SBDS: variants seen among roughly 807,000 people sequenced by gnomAD.
The protein encoded by SBDS is ribosome maturation protein SBDS.
Under a neutral mutation model 26.4 loss-of-function variants are expected in SBDS, and 20 were observed. The observed-to-expected ratio is 0.76, with a 90% CI of 0.53 to 1.10. SBDS has a LOEUF of 1.10. Among genes scored for constraint, SBDS ranks in the 50% least tolerant of loss-of-function variants. SBDS has a pLI of 0.00. For missense variants in SBDS, 241 were observed against 302.0 expected (o/e 0.80, Z 1.50); for synonymous variants, 95 against 105.1 (o/e 0.90, Z 0.59).
At position 66,993,409 on chromosome 7, in the gene SBDS, A is replaced by G. The variant is rs774761244; in HGVS notation, c.267T>C (p.Thr89=). ...TATCTGATACTTGAACTTCTCCTTT[A>G]GTCAAAATCTAAAAAAATGCCAACA... ...DQTEICKQIL[T]KGEVQVSDKE... is the part of the protein sequence containing the mutation. Residue 89 remains threonine (T), a synonymous_variant, in exon 3 of 5, where the codon ACT becomes ACC. Transcript: ENST00000246868. The G allele has an allele frequency of 1.2e-6, 2 of 1,613,620 alleles. No homozygotes were observed. The highest frequency in any genetic ancestry group is 1.7e-6 in the Non-Finnish European group (2 of 1,179,700).
chr7:66,991,886 G>A (rs1391123791), intron 3 of SBDS, among the ~76,000 whole-genome samples: 2 of 152,150 alleles, frequency 1.3e-5, no homozygotes, highest in Admixed American at 6.6e-5. Context: ...CCACCAGGAT[G>A]GCCATCATCA....
chr7:66,993,272 C>G lies in SBDS; in HGVS notation c.404G>C (p.Arg135Thr). ...CGAATAGTGGATGTCCTTCATGGCT[C>G]TCTCAATAAGGATCACGGTGTATGG... ...KRPYTVILIE[R>T]AMKDIHYSVK... Residue 135 changes from arginine to threonine, a missense_variant, in exon 3 of 5, where the codon AGA (arginine) becomes ACA (threonine). Coordinates refer to ENST00000246868, the MANE Select transcript of SBDS (RefSeq NM_016038.4). The G allele has an allele frequency of 1.2e-6, 2 of 1,614,148 alleles. No homozygotes were observed. Among genetic ancestry groups the G allele is most frequent in the Non-Finnish European group, 1.7e-6 (2 of 1,180,032 alleles).
intron 4 of SBDS, among the ~76,000 whole-genome samples, chr7:66,990,007 T>C (rs1301709671): frequency 6.6e-6 from 1 of 151,036 alleles, no homozygotes; most frequent in Non-Finnish European, 1.5e-5. Flanking sequence ...AATTTCATCA[T>C]TCAGAATTCA....
rs1308826515 is a variant in SBDS at position 66,993,314 on chromosome 7, T to C, written c.362A>G (p.Asn121Ser). The C allele has an allele frequency of 8.1e-6, 13 of 1,614,066 alleles. No individual in the cohort carries two copies. The highest frequency in any genetic ancestry group is 1.1e-5 in the Non-Finnish European group (13 of 1,180,004). ...GGTGTATGGTCTCTTTGTTTCAGGA[T>C]TCACACATTTGTCTGCCACAATAGT... The part of the protein sequence containing the change: ...IATIVADKCV[N>S]PETKRPYTVI... Residue 121 changes from asparagine (N) to serine (S), a missense_variant, in exon 3 of 5, where the codon AAT becomes AGT. Transcript: ENST00000246868.
At chr7:66,988,901 T>G (rs1296687786) in intron 4 of SBDS, among the ~76,000 whole-genome samples, 1 of 152,046 alleles carries the variant, frequency 6.6e-6, no homozygotes, top group Non-Finnish European at 1.5e-5. Flanking sequence ...GTATGTTAAT[T>G]TATTTTTTTT....
At chr7:66,992,012 G>C (rs1368289112) in intron 3 of SBDS, among the ~76,000 whole-genome samples, 1 of 152,120 alleles carries the variant, frequency 6.6e-6, no homozygotes, top group Admixed American at 6.6e-5. Context: ...GTAGTCACCA[G>C]GTATACAGAA....
chr7:66,994,695 T>C (rs1793058695), intron 1 of SBDS, among the ~76,000 whole-genome samples: 1 of 152,228 alleles, frequency 6.6e-6, no homozygotes. Flanking sequence ...GGTTTCATGT[T>C]GGCCAGGCTG....
intron 3 of SBDS, among the ~76,000 whole-genome samples, chr7:66,992,053 A>G (rs1396886901): frequency 6.6e-6 from 1 of 152,232 alleles, no homozygotes; most frequent in Non-Finnish European, 1.5e-5. Context: ...AGAAACATAC[A>G]AGAAATTTTA....
At position 66,993,200 on chromosome 7, in the gene SBDS, C is replaced by T. The variant is rs1562954934; in HGVS notation, c.459+17G>A. ...GATTTCCATGGCTATATTTTGATGA[C>T]ATGAGAAACCACTCACCTGCTGTTT... On this transcript the variant is annotated intron_variant, in intron 3 of 4. Transcript: ENST00000246868. 1 of 1,606,750 alleles carries T rather than the reference C, an allele frequency of 6.2e-7. No homozygotes were observed. Among genetic ancestry groups the T allele is most frequent in the Non-Finnish European group, 8.5e-7 (1 of 1,173,364 alleles).
At chr7:66,994,052 A>G (rs1416409887) in intron 2 of SBDS, among the ~76,000 whole-genome samples, 160 bp downstream of exon 2, 5 of 151,878 alleles carry the variant, frequency 3.3e-5, no homozygotes, top group Non-Finnish European at 5.9e-5. Flanking sequence ...CAAAAAACAA[A>G]CAAAACCACC....
At chr7:66,992,594 T>A (rs1003542051) in intron 3 of SBDS, among the ~76,000 whole-genome samples, 2 of 152,050 alleles carry the variant, frequency 1.3e-5, no homozygotes, top group African/African-American at 2.4e-5. Context: ...TATTTGTGTT[T>A]ACTTGAAAAA....
chr7:66,993,541 C>T (rs543688586), intron 2 of SBDS, 124 bp from the exon 3 acceptor site: 494 of 789,686 alleles, frequency 6.3e-4, no homozygotes, highest in African/African-American at 6.5e-4. Context: ...CTCCAGCTAT[C>T]AATATGTAAG....
chr7:66,992,422 A>AT (rs1046787058), intron 3 of SBDS, among the ~76,000 whole-genome samples: 3 of 152,196 alleles, frequency 2.0e-5, no homozygotes, highest in Non-Finnish European at 4.4e-5. Context: ...CTTTGTTAAT[A>AT]TACCACTTAA....
intron 4 of SBDS, among the ~76,000 whole-genome samples, chr7:66,990,020 CTTT>C (rs71293171): frequency 1.4e-5 from 2 of 141,374 alleles, no homozygotes; most frequent in Non-Finnish European, 1.5e-5. Flanking sequence ...AGAATTCAAT[CTTT>C]TTTTTTTTTT....
rs1329120128 is a variant in SBDS at position 66,988,983 on chromosome 7, C to T, written c.625-484G>A. Among the ~76,000 whole-genome samples the T allele has an allele frequency of 5.3e-5, 8 of 151,988 alleles. No homozygotes were observed. The East Asian group carries it at 1.6e-3, about 30-fold the overall frequency. On this transcript the variant is annotated intron_variant, in intron 4 of 4. Transcript: ENST00000246868. ...CTCCCAGGTTCAAGTGATTCTCCTG[C>T]CTCAGCCTCCCAAGAAACTGGGATT...
chr7:66,989,273 C>T (rs1215868939), intron 4 of SBDS, among the ~76,000 whole-genome samples: 12 of 151,410 alleles, frequency 7.9e-5, no homozygotes, highest in East Asian at 3.9e-4. Flanking sequence ...AGACAGGGCG[C>T]GGTGGCTCAA....
At chr7:66,992,526 ACTCAAGTTTTGT>A (rs1173484512) in intron 3 of SBDS, among the ~76,000 whole-genome samples, 2 of 151,900 alleles carry the variant, frequency 1.3e-5, no homozygotes, top group East Asian at 3.9e-4. Context: ...CCCTTTAAAA[ACTCAAGTTTTGT>A]CTTTAAAAGT....
intron 1 of SBDS, 31 bp from the exon 2 acceptor site, chr7:66,994,372 G>A (rs1259508398): frequency 1.2e-6 from 2 of 1,604,416 alleles, no homozygotes; most frequent in Non-Finnish European, 1.7e-6. Flanking sequence ...AGTCCTATGT[G>A]AATATACTTG....
rs1331577559 is a variant in SBDS at position 66,991,041 on chromosome 7, T to C, written c.624+96A>G. The C allele has an allele frequency of 3.5e-6, 4 of 1,151,612 alleles. No individual in the cohort carries two copies. The Admixed American group carries it at 7.0e-5, about 20-fold the overall frequency. 71.3% of individuals were successfully genotyped at this position (1,151,612 alleles called of 1,614,324 possible). A position where few individuals can be genotyped will look rare whatever the true frequency, so the allele number is the denominator to read the frequency against. On this transcript the variant is annotated intron_variant, in intron 4 of 4. Transcript: ENST00000246868. ...CAAAAAAAAAAAAGAAAAGAAAATA[T>C]CTGACGTTTACAACATCTAAATGTT...
Sources: allele counts gnomAD v4.1 joint callset (sites outside exome capture counted in the v4.1 genomes callset), GRCh38; gene constraint gnomAD v4.1.1; transcripts MANE v1.5; gene names NCBI Gene and HGNC (gene_info 2026-07-23, HGNC 2026-07-21).